H2BN1: variants seen among roughly 807,000 people sequenced by gnomAD.
The protein encoded by H2BN1 is H2B.N variant histone 1, also known as histone H2B.N.
At chr17:32,903,322 T>C in the H2BN1 span, among the ~76,000 whole-genome samples, 1 of 152,120 alleles carries the variant, frequency 6.6e-6, no homozygotes, top group Admixed American at 6.5e-5. Flanking sequence ...ACAACCTGTT[T>C]TATTATCTTA....
chr17:32,903,941 A>G, the H2BN1 span, among the ~76,000 whole-genome samples: 3 of 152,202 alleles, frequency 2.0e-5, no homozygotes, highest in Non-Finnish European at 4.4e-5. Context: ...CAGACTCCAC[A>G]ATGTGTCACC....
chr17:32,902,771 C>T, the H2BN1 span, among the ~76,000 whole-genome samples: 4 of 151,640 alleles, frequency 2.6e-5, no homozygotes, highest in African/African-American at 4.9e-5. Flanking sequence ...ACCTGGGAGG[C>T]GGAGCTTGCA....
the H2BN1 span, among the ~76,000 whole-genome samples, chr17:32,901,872 T>C: frequency 6.6e-6 from 1 of 152,274 alleles, no homozygotes; most frequent in East Asian, 1.9e-4. Flanking sequence ...GTGTTTTTTT[T>C]AACATCAAGC....
the H2BN1 span, among the ~76,000 whole-genome samples, chr17:32,902,436 C>T: frequency 2.0e-5 from 3 of 152,078 alleles, no homozygotes; most frequent in African/African-American, 7.2e-5. Flanking sequence ...CCAAACAAAC[C>T]TTACTGCCTG....
At chr17:32,899,350 T>G in the H2BN1 span, among the ~76,000 whole-genome samples, 1 of 152,358 alleles carries the variant, frequency 6.6e-6, no homozygotes, top group Non-Finnish European at 1.5e-5. Flanking sequence ...TTGAGTGAAT[T>G]CTTCTCCTCT....
At chr17:32,902,065 A>G in the H2BN1 span, among the ~76,000 whole-genome samples, 1 of 152,010 alleles carries the variant, frequency 6.6e-6, no homozygotes, top group Non-Finnish European at 1.5e-5. Context: ...TTAGGACTAA[A>G]TCTACCGTAC....
At chr17:32,903,058 G>T in the H2BN1 span, among the ~76,000 whole-genome samples, 1 of 152,000 alleles carries the variant, frequency 6.6e-6, no homozygotes, top group African/African-American at 2.4e-5. Flanking sequence ...ATTTATTAAA[G>T]ATTTTACTTG....
At chr17:32,901,934 T>C in the H2BN1 span, among the ~76,000 whole-genome samples, 12 of 152,202 alleles carry the variant, frequency 7.9e-5, no homozygotes, top group Non-Finnish European at 1.2e-4. Context: ...AACTTGATCA[T>C]ATAAAACTTT....
At chr17:32,899,322 C>T in the H2BN1 span, among the ~76,000 whole-genome samples, 2 of 152,146 alleles carry the variant, frequency 1.3e-5, no homozygotes, top group South Asian at 2.1e-4. Context: ...TGGATTTGTA[C>T]CATCAAATAC....
the H2BN1 span, among the ~76,000 whole-genome samples, chr17:32,904,989 T>C: frequency 1.3e-5 from 2 of 152,122 alleles, no homozygotes; most frequent in Non-Finnish European, 2.9e-5. Context: ...AGTGTTCTAA[T>C]GGAGAAAAAA....
the H2BN1 span, among the ~76,000 whole-genome samples, chr17:32,897,358 T>TTCACACACAC: frequency 8.1e-6 from 1 of 124,058 alleles, no homozygotes; most frequent in Non-Finnish European, 1.7e-5. Flanking sequence ...CTCTCTGTCT[T>TTCACACACAC]ACACACACAC....
chr17:32,906,029 T>C, the H2BN1 span, among the ~76,000 whole-genome samples: 1 of 152,194 alleles, frequency 6.6e-6, no homozygotes, highest in Admixed American at 6.5e-5. Context: ...AGGTGGTTTA[T>C]TATTATTTTT....
the H2BN1 span, among the ~76,000 whole-genome samples, chr17:32,903,315 A>G: frequency 6.6e-6 from 1 of 152,076 alleles, no homozygotes; most frequent in African/African-American, 2.4e-5. Flanking sequence ...ATTCTTAACA[A>G]CCTGTTTTAT....
the H2BN1 span, among the ~76,000 whole-genome samples, chr17:32,905,509 T>G: frequency 6.6e-6 from 1 of 151,380 alleles, no homozygotes; most frequent in Non-Finnish European, 1.5e-5. Flanking sequence ...TTTTTGTGTG[T>G]GTGGTTGTGT....
chr17:32,901,214 A>T, the H2BN1 span, among the ~76,000 whole-genome samples: 173 of 150,128 alleles, frequency 1.2e-3, no homozygotes, highest in Middle Eastern at 6.9e-3. Context: ...GTCAAAAAAA[A>T]TTTTTTTTTT....
At chr17:32,901,609 G>A in the H2BN1 span, among the ~76,000 whole-genome samples, 1 of 152,076 alleles carries the variant, frequency 6.6e-6, no homozygotes. Context: ...TTTAGTCCCA[G>A]GAGTCAAAGT....
At chr17:32,902,690 A>G in the H2BN1 span, among the ~76,000 whole-genome samples, 1 of 152,114 alleles carries the variant, frequency 6.6e-6, no homozygotes, top group African/African-American at 2.4e-5. Flanking sequence ...AATTCAAAAA[A>G]TTAGCCAGGC....
At chr17:32,901,440 T>A in the H2BN1 span, among the ~76,000 whole-genome samples, 1 of 152,204 alleles carries the variant, frequency 6.6e-6, no homozygotes, top group Non-Finnish European at 1.5e-5. Flanking sequence ...ATTCACCTCT[T>A]CTGTGATAGT....
chr17:32,898,215 T>G, the H2BN1 span, among the ~76,000 whole-genome samples: 2,847 of 152,200 alleles, frequency 0.019, 84 homozygotes, highest in African/African-American at 0.062. Context: ...GTCCAAGGTG[T>G]TAGGGGCACA....
Sources: gnomAD v4.1 joint callset for allele counts (sites outside exome capture counted in the v4.1 genomes callset) on GRCh38, gnomAD v4.1.1 for gene constraint, MANE v1.5 for transcripts, NCBI Gene and HGNC (gene_info 2026-07-23, HGNC 2026-07-21) for gene names.